LILRB1: variants seen among roughly 807,000 people sequenced by gnomAD.
LILRB1 encodes the protein leukocyte immunoglobulin-like receptor subfamily B member 1.
Under a neutral mutation model 74.6 loss-of-function variants are expected in LILRB1, and 59 were observed. The observed-to-expected ratio is 0.79, with a 90% CI of 0.64 to 0.98. The LOEUF (loss-of-function observed/expected upper bound fraction) is 0.98. Among genes scored for constraint, LILRB1 ranks in the 50% least tolerant of loss-of-function variants. The pLI is 0.00. For missense variants in LILRB1, 804 were observed against 822.6 expected, an observed-to-expected ratio of 0.98 and a Z score of 0.28; for synonymous variants, 328 against 333.9, an observed-to-expected ratio of 0.98 and a Z score of 0.19.
At position 54,631,104 on chromosome 19, in the gene LILRB1, C is replaced by T. The variant is rs756594142; in HGVS notation, c.31C>T (p.Leu11Phe). 11 of 1,614,162 alleles carry T rather than the reference C, an allele frequency of 6.8e-6. No individual in the cohort carries two copies. In the East Asian group the frequency reaches 2.5e-4, roughly 36 times the overall value. The change falls in exon 2 of 15, where the codon CTC (leucine) becomes TTC (phenylalanine). Residue 11 changes from leucine to phenylalanine, a missense_variant. Physicochemically the swap from Leu to Phe is conservative, Grantham distance 22. Coordinates refer to ENST00000324602, the MANE Select transcript of LILRB1 (RefSeq NM_001081637.3). The stretch of plus-strand genomic sequence containing the variant: ...CCCCATCCTCACGGTCCTGATCTGT[C>T]TCGGTGAGATTTGAAGAAGGAGGGG... MTPILTVLIC[L>F]GLSLGPRTHV... is the part of the protein sequence containing the mutation.
chr19:54,629,748 C>T (rs781136832), upstream of LILRB1, among the ~76,000 whole-genome samples: 1 of 152,232 alleles, frequency 6.6e-6, no homozygotes, highest in Non-Finnish European at 1.5e-5. Context: ...TGGAAACCTC[C>T]ACCCTAATGA....
chr19:54,637,031 C>G lies in LILRB1; in HGVS notation c.*153C>G, dbSNP rs2064506659. 2.5e-6 allele frequency: 2 copies of G among 811,614 alleles called. No individual in the cohort carries two copies. The highest frequency in any genetic ancestry group is 1.9e-5 in the South Asian group (1 of 53,108). The allele number at this position is 811,614 out of a possible 1,614,324, so 50.3% of individuals were successfully genotyped here. ...TCACTCAATTCTGCAGTATAAATAA[C>G]TAATGTCTCTACAATTTTGAAATAA... On this transcript the variant is annotated 3_prime_UTR_variant, in exon 15 of 15. Transcript: ENST00000324602.
chr19:54,630,873 G>A (rs1179130836), intron 1 of LILRB1, 153 bp from the exon 2 acceptor site: 2 of 997,262 alleles, frequency 2.0e-6, no homozygotes, highest in Admixed American at 4.6e-5. Flanking sequence ...AGAGGGCCTA[G>A]TGACTGCCCC....
upstream of LILRB1, among the ~76,000 whole-genome samples, chr19:54,627,638 CA>C (rs1309248431): frequency 6.6e-6 from 1 of 152,244 alleles, no homozygotes; most frequent in Non-Finnish European, 1.5e-5. Context: ...GGACTGACAG[CA>C]ACTCTGGCTT....
In LILRB1 at chr19:54,637,265, C is replaced by G. The variant is rs568814093; in HGVS notation, c.*387C>G. ...ATTTAGGGCAGGGCACGGTGGCTCACGCCTGTAATTCCAGCACTTTGGGAG... is the reference window on the plus strand; with the variant it reads ...ATTTAGGGCAGGGCACGGTGGCTCAGGCCTGTAATTCCAGCACTTTGGGAG... On this transcript the variant is annotated 3_prime_UTR_variant, in exon 15 of 15. Coordinates refer to ENST00000324602, the MANE Select transcript of LILRB1 (RefSeq NM_001081637.3). 1.6e-4 allele frequency: 30 copies of G among 188,004 alleles called. No homozygotes were observed. The highest frequency in any genetic ancestry group is 6.1e-4 in the African/African-American group (26 of 42,398). The allele number at this position is 188,004 out of a possible 1,614,324, so 11.6% of individuals were successfully genotyped here.
chr19:54,636,802 C>G lies in LILRB1; in HGVS notation c.1883C>G (p.Ala628Gly), dbSNP rs758169671. 6.2e-6 allele frequency: 10 copies of G among 1,613,146 alleles called. No homozygotes were observed. The East Asian group carries it at 2.0e-4, about 32-fold the overall frequency. The change falls in exon 15 of 15, where the codon GCA becomes GGA. Residue 628 changes from alanine to glycine, a missense_variant. Ala to Gly is a moderately conservative substitution (Grantham distance 60). Coordinates refer to ENST00000324602, the MANE Select transcript of LILRB1 (RefSeq NM_001081637.3). The stretch of plus-strand genomic sequence containing the variant: ...CACAGCTTGACCCTCAGACGGGAGG[C>G]AACTGAGCCTCCTCCATCCCAGGAA... The part of the protein sequence containing the change: ...QLHSLTLRRE[A>G]TEPPPSQEGP...
rs1417143573 is a variant in LILRB1 at position 54,635,094 on chromosome 19, C to T, written c.1487-10C>T. 2.6e-6 allele frequency: 4 copies of T among 1,542,172 alleles called. No homozygotes were observed. The East Asian group carries it at 9.1e-5, about 35-fold the overall frequency. On this transcript the variant is annotated splice_polypyrimidine_tract_variant and intron_variant, in intron 10 of 14. Transcript: ENST00000324602. ...TTCCCAGGGCTGAGGCTCTGTCCTT[C>T]TTCCCCCAGCCCAGAGAAAGGCTGA...
rs201106261 is a variant in LILRB1, at chr19:54,635,607, C to T, written c.1651C>T (p.Arg551Trp). ...QPEDGVEMDT[R>W]QSPHDEDPQA... ...TGAGGATGGGGTGGAGATGGACACT[C>T]GGGTGAGACCCCACCCCTGTCCCAG... is the stretch of plus-strand genomic sequence containing the variant. Residue 551 changes from arginine to tryptophan, a missense_variant and splice_region_variant, in exon 13 of 15, where the codon CGG becomes TGG. Arg to Trp is a moderately radical substitution (Grantham distance 101). Transcript: ENST00000324602. 71 of 1,613,950 alleles carry T rather than the reference C, an allele frequency of 4.4e-5. 1 individual carries two copies. The highest frequency in any genetic ancestry group is 3.8e-4 in the South Asian group (35 of 91,040).
intron 13 of LILRB1, 85 bp downstream of exon 13, chr19:54,635,694 G>C (rs747710818): frequency 6.7e-7 from 1 of 1,485,100 alleles, no homozygotes; most frequent in South Asian, 1.1e-5. Flanking sequence ...TCCTTCCCCC[G>C]GCTCTCAGCA....
At chr19:54,629,420 G>T (rs1292967266), upstream of LILRB1, among the ~76,000 whole-genome samples, 1 of 152,190 alleles carries the variant, frequency 6.6e-6, no homozygotes, top group African/African-American at 2.4e-5. Context: ...TGAAGAAGAT[G>T]CTGCTATGTG....
chr19:54,622,845 C>T (rs1187464187), intron 1 of LILRB1, among the ~76,000 whole-genome samples: 1 of 152,148 alleles, frequency 6.6e-6, no homozygotes, highest in Non-Finnish European at 1.5e-5. Flanking sequence ...ATGTTTCTTT[C>T]ATGCCTAGTC....
chr19:54,633,122 C>A lies in LILRB1; in HGVS notation c.1065C>A (p.Phe355Leu). The A allele has an allele frequency of 1.2e-6, 2 of 1,614,240 alleles. No individual in the cohort carries two copies. The highest frequency in any genetic ancestry group is 1.7e-6 in the Non-Finnish European group (2 of 1,180,042). ...AGTCACAGGGATGGATGCAAACTTT[C>A]CTTCTGACCAAGGAGGGGGCAGCTG... ...LCQSQGWMQT[F>L]LLTKEGAADD... is the part of the protein sequence containing the mutation. The change falls in exon 7 of 15, where the codon TTC becomes TTA. Residue 355 changes from phenylalanine (F) to leucine (L), a missense_variant. Phe to Leu is a conservative substitution (Grantham distance 22). Coordinates refer to ENST00000324602, the MANE Select transcript of LILRB1 (RefSeq NM_001081637.3).
chr19:54,622,327 A>T (rs1173475385), intron 1 of LILRB1, among the ~76,000 whole-genome samples: 1 of 152,182 alleles, frequency 6.6e-6, no homozygotes, highest in East Asian at 1.9e-4. Context: ...GTGAGCAAGG[A>T]ATATTTTTCT....
At chr19:54,629,158 G>A (rs2781760), upstream of LILRB1, among the ~76,000 whole-genome samples, 6,051 of 152,198 alleles carry the variant, frequency 0.04, 127 homozygotes, top group South Asian at 0.054. Context: ...GGTCAAAACT[G>A]TAGCATTTGT....
At position 54,633,231 on chromosome 19, in the gene LILRB1, G is replaced by T. The variant is rs754370096; in HGVS notation, c.1174G>T (p.Ala392Ser). Residue 392 changes from alanine (A) to serine (S), a missense_variant, in exon 7 of 15, where the codon GCG becomes TCG. Ala to Ser is a moderately conservative substitution (Grantham distance 99). Coordinates refer to ENST00000324602, the MANE Select transcript of LILRB1 (RefSeq NM_001081637.3). ...CATGGGTCCTGTGACCTCAGCCCAT[G>T]CGGGGACCTACAGGTGCTACGGCTC... ...FPMGPVTSAH[A>S]GTYRCYGSQS... The T allele has an allele frequency of 2.5e-6, 4 of 1,614,042 alleles. No homozygotes were observed. The highest frequency in any genetic ancestry group is 2.2e-5 in the East Asian group (1 of 44,880).
intron 2 of LILRB1, 61 bp from the exon 3 acceptor site, chr19:54,631,210 G>A (rs532214764): frequency 7.1e-4 from 1,142 of 1,613,976 alleles, no homozygotes; most frequent in Non-Finnish European, 8.5e-4. Context: ...AAAGATCCCA[G>A]GGAGGGGAGG....
At chr19:54,618,882 A>G (rs1425376922) in intron 1 of LILRB1, among the ~76,000 whole-genome samples, 1 of 152,198 alleles carries the variant, frequency 6.6e-6, no homozygotes, top group Non-Finnish European at 1.5e-5. Flanking sequence ...ATCTAGGTAA[A>G]CTATTAAATA....
Position 54,633,080 on chromosome 19 carries a change from C to A in LILRB1, c.1023C>A (p.Asn341Lys). Reference sequence around the variant, plus strand: ...GCCCCACGGTGGCCTCAGGAGAGAACGTGACCCTGCTGTGTCAGTCACAGG... The same window carrying A: ...GCCCCACGGTGGCCTCAGGAGAGAAAGTGACCCTGCTGTGTCAGTCACAGG... ...QPGPTVASGE[N>K]VTLLCQSQGW... is the part of the protein sequence containing the mutation. The change falls in exon 7 of 15, where the codon AAC becomes AAA. Residue 341 changes from asparagine to lysine, a missense_variant. By Grantham distance (94) the Asn-to-Lys change is moderately conservative. Coordinates refer to ENST00000324602, the MANE Select transcript of LILRB1 (RefSeq NM_001081637.3). 11 of 1,614,236 alleles carry A rather than the reference C, an allele frequency of 6.8e-6. No individual in the cohort carries two copies. The highest frequency in any genetic ancestry group is 1.7e-5 in the Admixed American group (1 of 60,034).
rs61737895 is a variant in LILRB1, at chr19:54,632,728, C to A, written c.926C>A (p.Ala309Asp). Residue 309 changes from alanine to aspartate, a missense_variant, in exon 6 of 15, where the codon GCC becomes GAC. Transcript: ENST00000324602. ...GAHNLSSEWS[A>D]PSDPLDILIA... ...CACAACCTCTCCTCCGAGTGGTCGG[C>A]CCCCAGCGACCCCCTGGACATCCTG... 22 of 1,612,164 alleles carry A rather than the reference C, an allele frequency of 1.4e-5. No individual in the cohort carries two copies. The highest frequency in any genetic ancestry group is 2.7e-5 in the African/African-American group (2 of 74,858).
Sources: gnomAD v4.1 joint callset for allele counts (sites outside exome capture counted in the v4.1 genomes callset) on GRCh38, gnomAD v4.1.1 for gene constraint, MANE v1.5 for transcripts, NCBI Gene and HGNC (gene_info 2026-07-23, HGNC 2026-07-21) for gene names.